Variants in LANCL3 observed in about 807,000 individuals in gnomAD.
LANCL3 encodes the protein LanC like family member 3.
In LANCL3, 19 loss-of-function variants were observed where a neutral mutation model predicts 26.5. That is an observed-to-expected ratio of 0.72 (90% confidence interval 0.50 to 1.05). LANCL3 has a LOEUF of 1.05. Among genes scored for constraint, LANCL3 ranks in the 50% least tolerant of loss-of-function variants. The pLI, the probability that LANCL3 is intolerant of heterozygous loss-of-function variation, is 0.00. For missense variants in LANCL3, 318 were observed against 362.7 expected (o/e 0.88, Z 1.00); for synonymous variants, 160 against 166.6 (o/e 0.96, Z 0.30).
At position 37,668,869 on chromosome X, in the gene LANCL3, C is replaced by T. The variant is rs1556435023; in HGVS notation, c.1103+1380C>T. Among the ~76,000 whole-genome samples, 4 of 112,106 alleles carry T rather than the reference C, an allele frequency of 3.6e-5. No individual in the cohort carries two copies. The South Asian group carries it at 1.5e-3, about 41-fold the overall frequency. On this transcript the variant is annotated intron_variant, in intron 4 of 4. Coordinates refer to ENST00000378619, the MANE Select transcript of LANCL3 (RefSeq NM_001170331.2). Reference sequence around the variant, plus strand: ...AGTGATCTTTAACAAGGTCACACAACCTTTAACAAGTCACTTAGCTCATTT... The same window carrying T: ...AGTGATCTTTAACAAGGTCACACAATCTTTAACAAGTCACTTAGCTCATTT...
chrX:37,635,027 TA>T (rs200241640), intron 1 of LANCL3, among the ~76,000 whole-genome samples: 6 of 105,907 alleles, frequency 5.7e-5, no homozygotes, highest in South Asian at 4.1e-4. Context: ...CTCACAGAAT[TA>T]AAAAAAAAAG....
chrX:37,643,531 C>T (rs782774705), intron 1 of LANCL3, among the ~76,000 whole-genome samples: 9 of 111,977 alleles, frequency 8.0e-5, no homozygotes, highest in African/African-American at 1.3e-4. Context: ...ATAGTTAGTT[C>T]GTATCTAGAA....
chrX:37,583,706 A>G (rs1288663730), intron 1 of LANCL3, among the ~76,000 whole-genome samples: 9 of 112,159 alleles, frequency 8.0e-5, no homozygotes, highest in Non-Finnish European at 1.3e-4. Flanking sequence ...ATCAGCTTAA[A>G]GAGATTTTGG....
chrX:37,647,175 G>A (rs932826327), intron 1 of LANCL3, among the ~76,000 whole-genome samples: 5 of 110,545 alleles, frequency 4.5e-5, no homozygotes, highest in South Asian at 3.9e-4. Context: ...TTAGCCAGGC[G>A]TGGTGGCAGG....
At chrX:37,653,035 G>A (rs1926195208) in intron 1 of LANCL3, among the ~76,000 whole-genome samples, 1 of 111,508 alleles carries the variant, frequency 9.0e-6, no homozygotes, top group Admixed American at 9.5e-5. Flanking sequence ...ATAAAGAACT[G>A]CATGCATAAC....
rs143035642 is a variant in LANCL3, at chrX:37,605,315, T to G, written c.573+32872T>G. 1.1e-3 allele frequency among the ~76,000 whole-genome samples: 119 copies of G among 111,874 alleles called. 2 individuals are homozygous for G. The highest frequency in any genetic ancestry group is 3.5e-3 in the African/African-American group (109 of 30,760). ...ATTATGCAACCCCATTATTAAGCTA[T>G]TATATTGTTGCTTTTGATGTAGTTC... On this transcript the variant is annotated intron_variant, in intron 1 of 4. Coordinates refer to ENST00000378619, the MANE Select transcript of LANCL3 (RefSeq NM_001170331.2).
At chrX:37,594,133 G>T (rs1924360700) in intron 1 of LANCL3, among the ~76,000 whole-genome samples, 2 of 111,637 alleles carry the variant, frequency 1.8e-5, no homozygotes. Flanking sequence ...AAAGATAGAT[G>T]ATTAGAATAC....
intron 1 of LANCL3, among the ~76,000 whole-genome samples, chrX:37,629,390 T>C (rs1556423695): frequency 2.7e-5 from 3 of 109,306 alleles, no homozygotes; most frequent in Non-Finnish European, 3.8e-5. Context: ...TTCTCCCATT[T>C]TGTAGGTTGC....
intron 1 of LANCL3, among the ~76,000 whole-genome samples, chrX:37,632,051 G>T (rs1163784736): frequency 9.0e-6 from 1 of 110,731 alleles, no homozygotes; most frequent in Non-Finnish European, 1.9e-5. Context: ...TTGACAGTGG[G>T]GTGTTAAAGT....
In LANCL3 at chrX:37,634,620, C is replaced by G. The variant is rs1207272062; in HGVS notation, c.574-21068C>G. Among the ~76,000 whole-genome samples, 3 of 112,300 alleles carry G rather than the reference C, an allele frequency of 2.7e-5. No homozygotes were observed. The East Asian group carries it at 8.4e-4, about 31-fold the overall frequency. ...TGTAATGTGTGATTTTGGATTGGTT[C>G]CTGTGACAGAAAATAAAATAGCTGT... is the stretch of plus-strand genomic sequence containing the variant. On this transcript the variant is annotated intron_variant, in intron 1 of 4. Transcript: ENST00000378619.
chrX:37,674,319 T>C, intron 4 of LANCL3, among the ~76,000 whole-genome samples: 1 of 112,206 alleles, frequency 8.9e-6, no homozygotes, highest in Non-Finnish European at 1.9e-5. Context: ...TTGCAGATAT[T>C]GTAAAATCTT....
intron 1 of LANCL3, among the ~76,000 whole-genome samples, chrX:37,625,809 T>G (rs1049750573): frequency 1.1e-4 from 12 of 111,550 alleles, no homozygotes; most frequent in Non-Finnish European, 1.9e-4. Flanking sequence ...GTTGTACTAG[T>G]CAATTCTTGC....
intron 3 of LANCL3, among the ~76,000 whole-genome samples, chrX:37,666,375 T>A (rs1259042811): frequency 8.9e-6 from 1 of 112,136 alleles, no homozygotes; most frequent in East Asian, 2.8e-4. Flanking sequence ...AATATTTACA[T>A]TACTATCAGT....
chrX:37,596,832 C>CTT (rs1157135588), intron 1 of LANCL3, among the ~76,000 whole-genome samples: 1 of 112,097 alleles, frequency 8.9e-6, no homozygotes, highest in Non-Finnish European at 1.9e-5. Context: ...TGAGATATAA[C>CTT]TTATATATCA....
chrX:37,608,926 C>T (rs1860757987), intron 1 of LANCL3, among the ~76,000 whole-genome samples: 1 of 112,142 alleles, frequency 8.9e-6, no homozygotes, highest in South Asian at 3.7e-4. Flanking sequence ...AATTTATTGT[C>T]AGAAATGTGC....
chrX:37,667,456 C>T lies in LANCL3; in HGVS notation c.1070C>T (p.Thr357Met), dbSNP rs1269046476. ...GTCTTCCTGCTGCTGTACCGGCTCA[C>T]GGGAAACTCTAAATACATCTACCGA... ...AYVFLLLYRLTGNSKYIYRAQ... is the reference protein window; with the variant it reads ...AYVFLLLYRLMGNSKYIYRAQ... Residue 357 changes from threonine (T) to methionine (M), a missense_variant, in exon 4 of 5, where the codon ACG (threonine) becomes ATG (methionine). By Grantham distance (81) the Thr-to-Met change is moderately conservative. Coordinates refer to ENST00000378619, the MANE Select transcript of LANCL3 (RefSeq NM_001170331.2). The T allele has an allele frequency of 5.9e-6, 7 of 1,189,220 alleles. No individual in the cohort carries two copies. Among genetic ancestry groups the T allele is most frequent in the Admixed American group, 4.6e-5 (2 of 43,102 alleles).
At chrX:37,629,075 G>C (rs1925401578) in intron 1 of LANCL3, among the ~76,000 whole-genome samples, 2 of 106,281 alleles carry the variant, frequency 1.9e-5, no homozygotes, top group Non-Finnish European at 3.9e-5. Context: ...CAGTGTAAAA[G>C]TGTTCCTATT....
chrX:37,674,804 T>G (rs1439716261), intron 4 of LANCL3, among the ~76,000 whole-genome samples: 1 of 111,236 alleles, frequency 9.0e-6, no homozygotes, highest in African/African-American at 3.3e-5. Flanking sequence ...GTAACCTAAA[T>G]TTATGACAGT....
At chrX:37,660,342 A>T (rs1274577427) in intron 3 of LANCL3, among the ~76,000 whole-genome samples, 1 of 111,727 alleles carries the variant, frequency 9.0e-6, no homozygotes, top group African/African-American at 3.3e-5. Context: ...AAAGGTTGGG[A>T]TGCACTGTTC....
Sources: gnomAD v4.1 joint callset for allele counts (sites outside exome capture counted in the v4.1 genomes callset) on GRCh38, gnomAD v4.1.1 for gene constraint, MANE v1.5 for transcripts, NCBI Gene and HGNC (gene_info 2026-07-23, HGNC 2026-07-21) for gene names.